The following NPAS3 variants were observed in gnomAD, a reference collection of about 807,000 sequenced individuals.
NPAS3 encodes the protein neuronal PAS domain-containing protein 3.
A neutral mutation model predicts 73.1 loss-of-function variants in NPAS3; 14 were observed. The ratio of observed to expected loss-of-function variants is 0.19; its 90% CI spans 0.13 to 0.30. The LOEUF (loss-of-function observed/expected upper bound fraction) is 0.30, where lower values mean the gene tolerates loss of function less well. Among genes scored for constraint, NPAS3 ranks in the 10% least tolerant of loss-of-function variants. The pLI is 1.00. For synonymous variants in NPAS3, 620 were observed against 541.5 expected (o/e 1.14, Z -2.01); for missense variants, 1,096 against 1,250.0 (o/e 0.88, Z 1.86).
At chr14:33,597,327 C>T (rs975651665) in intron 5 of NPAS3, among the ~76,000 whole-genome samples, 1 of 152,158 alleles carries the variant, frequency 6.6e-6, no homozygotes, top group Admixed American at 6.5e-5. Context: ...AGTATGGCTG[C>T]TCATTTCACG....
chr14:33,374,705 G>C (rs76873393), intron 4 of NPAS3, among the ~76,000 whole-genome samples: 357 of 134,606 alleles, frequency 2.7e-3, no homozygotes, highest in African/African-American at 4.4e-3. Context: ...GTGTCGGGGC[G>C]GGGGGGGGAG....
At chr14:33,138,851 T>TACTTGG in intron 2 of NPAS3, among the ~76,000 whole-genome samples, 1 of 152,334 alleles carries the variant, frequency 6.6e-6, no homozygotes, top group South Asian at 2.1e-4. Context: ...GACTTCAAGG[T>TACTTGG]ACTTGGACAG....
At chr14:33,101,739 T>C (rs1348963962) in intron 2 of NPAS3, among the ~76,000 whole-genome samples, 1 of 152,132 alleles carries the variant, frequency 6.6e-6, no homozygotes, top group Non-Finnish European at 1.5e-5. Context: ...TAATTTATGT[T>C]AATGCCCCCA....
At chr14:33,337,814 ATTAC>A (rs1028953304) in intron 3 of NPAS3, among the ~76,000 whole-genome samples, 2 of 152,026 alleles carry the variant, frequency 1.3e-5, no homozygotes, top group South Asian at 2.1e-4. Flanking sequence ...TGCTAAATTT[ATTAC>A]TTATCAGTTT....
intron 1 of NPAS3, among the ~76,000 whole-genome samples, chr14:32,961,753 T>C (rs180934641): frequency 2.0e-5 from 3 of 152,292 alleles, no homozygotes; most frequent in Admixed American, 6.5e-5. Flanking sequence ...CTGAGGAAGA[T>C]ATATCCCCAT....
intron 2 of NPAS3, among the ~76,000 whole-genome samples, chr14:33,193,173 T>C (rs1466920270): frequency 1.3e-5 from 2 of 150,964 alleles, no homozygotes; most frequent in East Asian, 3.9e-4. Flanking sequence ...TGGAGTTTTC[T>C]TCTTTACCCA....
chr14:33,401,411 A>G (rs1186623805), intron 4 of NPAS3, among the ~76,000 whole-genome samples: 1 of 152,114 alleles, frequency 6.6e-6, no homozygotes, highest in Non-Finnish European at 1.5e-5. Context: ...GTATTGGCGT[A>G]GGGAAGTGTT....
intron 2 of NPAS3, among the ~76,000 whole-genome samples, chr14:33,108,800 C>T (rs1018404640): frequency 6.6e-6 from 1 of 152,008 alleles, no homozygotes; most frequent in Non-Finnish European, 1.5e-5. Flanking sequence ...GAATTGAAGT[C>T]GATTCCAGAG....
chr14:33,584,920 T>C (rs779465364), intron 5 of NPAS3, among the ~76,000 whole-genome samples: 9 of 152,168 alleles, frequency 5.9e-5, no homozygotes, highest in Non-Finnish European at 1.0e-4. Context: ...CTTGGTTACC[T>C]TGGGTTGATG....
intron 4 of NPAS3, among the ~76,000 whole-genome samples, chr14:33,398,961 C>G (rs1014518837): frequency 6.6e-6 from 1 of 152,072 alleles, no homozygotes; most frequent in African/African-American, 2.4e-5. Flanking sequence ...ACAAGCCTTT[C>G]ACACTTTCCC....
chr14:33,251,507 CA>C (rs1467209327), intron 3 of NPAS3, among the ~76,000 whole-genome samples: 1 of 152,094 alleles, frequency 6.6e-6, no homozygotes, highest in African/African-American at 2.4e-5. Flanking sequence ...AATGAAAAGG[CA>C]ATTCCTCTGA....
At chr14:33,056,034 C>T in intron 2 of NPAS3, 40 bp downstream of exon 2, 1 of 789,802 alleles carries the variant, frequency 1.3e-6, no homozygotes, top group Non-Finnish European at 2.2e-6. Flanking sequence ...CTGGCTCGTA[C>T]ATCAGTGCTT....
Position 33,335,043 on chromosome 14 carries a change from CGTGTGTGT to C in NPAS3, c.386-32122_386-32115del, listed in dbSNP as rs59212032. On this transcript the variant is annotated intron_variant, in intron 3 of 11. Transcript: ENST00000356141. ...AGTGGTATTCCATTGTGTGTGTGTG[CGTGTGTGT>C]GTGTGTGTGTGTGTGTGTGTATCAC... Among the ~76,000 whole-genome samples the C allele has an allele frequency of 7.0e-3, 1,032 of 147,066 alleles. 9 individuals carry two copies. Among genetic ancestry groups the C allele is most frequent in the African/African-American group, 0.025 (981 of 39,584 alleles).
At chr14:33,411,760 A>G (rs1321106747) in intron 4 of NPAS3, among the ~76,000 whole-genome samples, 4 of 151,010 alleles carry the variant, frequency 2.6e-5, no homozygotes, top group Non-Finnish European at 5.9e-5. Context: ...TTTTGCTTGA[A>G]ATGTCTTCCC....
chr14:33,511,887 C>T (rs1405570351), intron 4 of NPAS3, among the ~76,000 whole-genome samples: 1 of 152,002 alleles, frequency 6.6e-6, no homozygotes, highest in African/African-American at 2.4e-5. Flanking sequence ...TCAGAATCAC[C>T]TTGGAGGCCT....
intron 2 of NPAS3, among the ~76,000 whole-genome samples, chr14:33,087,863 A>G (rs1357470231): frequency 6.6e-6 from 1 of 152,186 alleles, no homozygotes; most frequent in African/African-American, 2.4e-5. Context: ...TGTACTCACA[A>G]ACCAAAATAA....
chr14:33,711,080 T>C lies in NPAS3; in HGVS notation c.734-24134T>C, dbSNP rs571827211. On this transcript the variant is annotated intron_variant, in intron 6 of 11. Transcript: ENST00000356141. ...ATGACTGAAGCCCGTCTACTATTAG[T>C]ATTTTTCTTTTTACCAGACGAGGAT... Among the ~76,000 whole-genome samples the C allele has an allele frequency of 8.5e-5, 13 of 152,354 alleles. No individual in the cohort carries two copies. The South Asian group carries it at 2.5e-3, about 29-fold the overall frequency.
At chr14:33,159,091 G>A (rs1049765210) in intron 2 of NPAS3, among the ~76,000 whole-genome samples, 23 of 152,216 alleles carry the variant, frequency 1.5e-4, no homozygotes, top group Non-Finnish European at 2.5e-4. Flanking sequence ...GGATCTGGGA[G>A]GCGGAAATTG....
chr14:33,208,469 G>C (rs968848344), intron 2 of NPAS3, among the ~76,000 whole-genome samples: 2 of 152,064 alleles, frequency 1.3e-5, no homozygotes, highest in African/African-American at 4.8e-5. Flanking sequence ...CAGTTGAATG[G>C]CTTTAATTAC....
Sources: gnomAD v4.1 joint callset for allele counts (sites outside exome capture counted in the v4.1 genomes callset) on GRCh38, gnomAD v4.1.1 for gene constraint, MANE v1.5 for transcripts, NCBI Gene and HGNC (gene_info 2026-07-23, HGNC 2026-07-21) for gene names.